The following NPAS3 variants were observed in gnomAD, a reference collection of about 807,000 sequenced individuals.
NPAS3 encodes the protein neuronal PAS domain-containing protein 3.
In NPAS3, 14 loss-of-function variants were observed where a neutral mutation model predicts 73.1. The ratio of observed to expected loss-of-function variants is 0.19; its 90% CI spans 0.13 to 0.30. The LOEUF is 0.30. NPAS3 is among the 10% of genes least tolerant of loss of function. The pLI, the probability that NPAS3 is intolerant of heterozygous loss-of-function variation, is 1.00. For synonymous variants in NPAS3, 620 were observed against 541.5 expected (o/e 1.14, Z -2.01); for missense variants, 1,096 against 1,250.0 (o/e 0.88, Z 1.86).
At chr14:33,567,597 A>G (rs1010175410) in intron 5 of NPAS3, among the ~76,000 whole-genome samples, 6 of 152,248 alleles carry the variant, frequency 3.9e-5, no homozygotes, top group African/African-American at 1.4e-4. Flanking sequence ...CTCAGAGTTG[A>G]AAGGTTATGC....
At chr14:33,773,733 C>T (rs142548951) in intron 7 of NPAS3, among the ~76,000 whole-genome samples, 1 of 152,264 alleles carries the variant, frequency 6.6e-6, no homozygotes, top group African/African-American at 2.4e-5. Context: ...GGGCCAAAGT[C>T]CTCTGACCAT....
intron 2 of NPAS3, among the ~76,000 whole-genome samples, chr14:33,064,677 T>G (rs2041220498): frequency 6.6e-6 from 1 of 152,162 alleles, no homozygotes; most frequent in Non-Finnish European, 1.5e-5. Flanking sequence ...ATGCAGTACA[T>G]TTTCATTCTG....
intron 4 of NPAS3, among the ~76,000 whole-genome samples, chr14:33,376,317 T>G (rs1190297256): frequency 6.6e-6 from 1 of 152,208 alleles, no homozygotes; most frequent in Non-Finnish European, 1.5e-5. Flanking sequence ...TTAATGCTGC[T>G]TTAACTCATT....
upstream of NPAS3, chr14:32,939,229 G>A: frequency 5.6e-6 from 2 of 354,534 alleles, no homozygotes; most frequent in Non-Finnish European, 1.2e-5. Flanking sequence ...GCCACCCCAC[G>A]CACACGCACA....
At chr14:33,187,360 A>G (rs1347118308) in intron 2 of NPAS3, among the ~76,000 whole-genome samples, 1 of 152,170 alleles carries the variant, frequency 6.6e-6, no homozygotes, top group African/African-American at 2.4e-5. Flanking sequence ...GCTCTTCTCC[A>G]CACCTTTATG....
At chr14:32,948,272 G>A (rs114628275) in intron 1 of NPAS3, among the ~76,000 whole-genome samples, 2 of 152,170 alleles carry the variant, frequency 1.3e-5, no homozygotes, top group South Asian at 2.1e-4. Context: ...GGATGTCAAA[G>A]TTGTCCAAAA....
chr14:33,650,101 G>A (rs1248877314), intron 5 of NPAS3, among the ~76,000 whole-genome samples: 1 of 152,136 alleles, frequency 6.6e-6, no homozygotes, highest in Non-Finnish European at 1.5e-5. Context: ...TAAGAAGGTC[G>A]ACTGATTCTG....
intron 4 of NPAS3, among the ~76,000 whole-genome samples, chr14:33,385,376 A>T (rs537869220): frequency 1.3e-5 from 2 of 152,154 alleles, no homozygotes; most frequent in African/African-American, 4.8e-5. Flanking sequence ...TTGGAAACTT[A>T]GTGTATATAA....
chr14:33,593,523 G>A lies in NPAS3; in HGVS notation c.558+33313G>A, dbSNP rs562274149. 1.4e-4 allele frequency among the ~76,000 whole-genome samples: 21 copies of A among 152,294 alleles called. No individual in the cohort carries two copies. The East Asian group carries it at 2.5e-3, about 18-fold the overall frequency. ...TGCAGAGCCTTGCTTCTGCCAGTGC[G>A]CATTTGGGGGAAACTGCAGATGCCA... On this transcript the variant is annotated intron_variant, in intron 5 of 11. Transcript: ENST00000356141.
intron 2 of NPAS3, among the ~76,000 whole-genome samples, chr14:33,144,033 ATTTG>A (rs1470859723): frequency 6.6e-6 from 1 of 152,184 alleles, no homozygotes; most frequent in Non-Finnish European, 1.5e-5. Flanking sequence ...GGGCACATGT[ATTTG>A]TTTGAGTATC....
chr14:33,529,553 T>G (rs75065248), intron 4 of NPAS3, among the ~76,000 whole-genome samples: 7,374 of 152,190 alleles, frequency 0.048, 457 homozygotes, highest in African/African-American at 0.14. Flanking sequence ...TTTGTAGTGG[T>G]GACATTATCA....
rs1594542498 is a variant in NPAS3 at position 33,263,279 on chromosome 14, C to G, written c.385+47853C>G. ...TCTAACATTTAAGTCTTTAATCCAT[C>G]TTGAATTAATTTTTGTATAAGGTGT... is the stretch of plus-strand genomic sequence containing the variant. On this transcript the variant is annotated intron_variant, in intron 3 of 11. Coordinates refer to ENST00000356141, the Ensembl canonical transcript of NPAS3. Among the ~76,000 whole-genome samples the G allele has an allele frequency of 2.0e-5, 3 of 152,272 alleles. No individual in the cohort carries two copies. The East Asian group carries it at 5.8e-4, about 29-fold the overall frequency.
chr14:33,017,076 G>T (rs892389627), intron 1 of NPAS3, among the ~76,000 whole-genome samples: 15 of 152,210 alleles, frequency 9.9e-5, no homozygotes, highest in Non-Finnish European at 2.2e-4. Context: ...GCCTTCAATC[G>T]CTACAAATTC....
intron 4 of NPAS3, among the ~76,000 whole-genome samples, chr14:33,379,976 TCG>T (rs2046470256): frequency 1.8e-5 from 1 of 54,226 alleles, no homozygotes; most frequent in Admixed American, 2.7e-4. Context: ...TAGTTATCCC[TCG>T]TGTGTGTGTG....
At chr14:33,792,327 T>C (rs190265990) in intron 9 of NPAS3, among the ~76,000 whole-genome samples, 12 of 152,058 alleles carry the variant, frequency 7.9e-5, no homozygotes, top group Admixed American at 7.8e-4. Context: ...GAAACACTCA[T>C]CAAAGTGAGG....
chr14:33,642,418 A>G (rs1222275619), intron 5 of NPAS3, among the ~76,000 whole-genome samples: 5 of 152,222 alleles, frequency 3.3e-5, no homozygotes, highest in African/African-American at 9.6e-5. Context: ...ACAGAGAGGA[A>G]TGTGGGCTGG....
At position 33,050,934 on chromosome 14, in the gene NPAS3, A is replaced by G. The variant is rs953226514; in HGVS notation, c.51-4971A>G. On this transcript the variant is annotated intron_variant, in intron 1 of 11. Coordinates refer to ENST00000356141, the Ensembl canonical transcript of NPAS3. ...CCATCCTCAGCAGGTAGTGAAGTAG[A>G]TCTTTTTATTGTTCCCATTTTTCAC... Among the ~76,000 whole-genome samples, 11 of 152,212 alleles carry G rather than the reference A, an allele frequency of 7.2e-5. 1 individual carries two copies.
chr14:33,108,598 CAAATCA>C (rs2042795005), intron 2 of NPAS3, among the ~76,000 whole-genome samples: 1 of 152,106 alleles, frequency 6.6e-6, no homozygotes, highest in South Asian at 2.1e-4. Flanking sequence ...TCTGCTGTGA[CAAATCA>C]ATATCAAAAT....
chr14:33,517,602 A>G (rs2053361579), intron 4 of NPAS3, among the ~76,000 whole-genome samples: 1 of 152,040 alleles, frequency 6.6e-6, no homozygotes, highest in African/African-American at 2.4e-5. Flanking sequence ...GGTTCAACTC[A>G]GGCATCATTT....
Sources: allele counts gnomAD v4.1 joint callset (sites outside exome capture counted in the v4.1 genomes callset), GRCh38; gene constraint gnomAD v4.1.1; transcripts MANE v1.5; gene names NCBI Gene and HGNC (gene_info 2026-07-23, HGNC 2026-07-21).